The following PLEKHG7 variants were observed in gnomAD, a reference collection of about 807,000 sequenced individuals.
The protein encoded by PLEKHG7 is pleckstrin homology and RhoGEF domain containing G7.
Under a neutral mutation model 85.2 loss-of-function variants are expected in PLEKHG7, and 77 were observed. That is an observed-to-expected ratio of 0.90 (90% confidence interval 0.75 to 1.09). The LOEUF (loss-of-function observed/expected upper bound fraction) is 1.09, where lower values mean the gene tolerates loss of function less well. Ranked by LOEUF, PLEKHG7 falls within the 50% of genes least tolerant of loss-of-function variation. PLEKHG7 has a pLI of 0.00. For missense variants in PLEKHG7, 777 were observed against 804.3 expected (o/e 0.97, Z 0.41); for synonymous variants, 301 against 302.4 (o/e 1.00, Z 0.05).
intron 10 of PLEKHG7, among the ~76,000 whole-genome samples, chr12:92,752,509 C>A (rs60980357): frequency 0.082 from 12,504 of 152,028 alleles, 713 homozygotes; most frequent in African/African-American, 0.16. Flanking sequence ...GGGGGTTGAG[C>A]TAATTGTACC....
At chr12:92,769,338 T>TG (rs1273395677) in intron 16 of PLEKHG7, among the ~76,000 whole-genome samples, 6 of 152,198 alleles carry the variant, frequency 3.9e-5, no homozygotes, top group African/African-American at 1.4e-4. Flanking sequence ...TCCTCACGCT[T>TG]GCAGAGTTCT....
At chr12:92,748,184 G>A (rs1872588247) in intron 10 of PLEKHG7, among the ~76,000 whole-genome samples, 1 of 151,616 alleles carries the variant, frequency 6.6e-6, no homozygotes, top group Non-Finnish European at 1.5e-5. Flanking sequence ...GAATAAAAAT[G>A]TGTGTGACAT....
chr12:92,707,693 T>C (rs2136568472), intron 3 of PLEKHG7, 21 bp downstream of exon 3: 3 of 1,613,996 alleles, frequency 1.9e-6, no homozygotes, highest in East Asian at 4.5e-5. Context: ...ATTTATTTTC[T>C]CCGGTGCTAT....
rs1298154439 is a variant in PLEKHG7, at chr12:92,771,595, G to A, written c.*1400G>A. ...ACTTCAAGCTTCAAGTGAATTCCTAGAGATGGCATCTGGATGGGACTGAAA... is the reference window on the plus strand; with the variant it reads ...ACTTCAAGCTTCAAGTGAATTCCTAAAGATGGCATCTGGATGGGACTGAAA... On this transcript the variant is annotated 3_prime_UTR_variant, in exon 17 of 17. Transcript: ENST00000344636. 6.6e-6 allele frequency: 1 copy of A among 152,064 alleles called. No homozygotes were observed. Among genetic ancestry groups the A allele is most frequent in the South Asian group, 2.1e-4 (1 of 4,828 alleles). The allele number at this position is 152,064 out of a possible 1,614,324, so 9.4% of individuals were successfully genotyped here. A position where few individuals can be genotyped will look rare whatever the true frequency, so the allele number is the denominator to read the frequency against.
At chr12:92,745,904 T>G (rs916493152) in intron 10 of PLEKHG7, among the ~76,000 whole-genome samples, 64 of 152,356 alleles carry the variant, frequency 4.2e-4, no homozygotes, top group African/African-American at 1.4e-3. Context: ...GAAAACTATA[T>G]AGTAAGAACC....
chr12:92,736,117 T>A lies in PLEKHG7; in HGVS notation c.700-365T>A, dbSNP rs141440056. 2.2e-3 allele frequency among the ~76,000 whole-genome samples: 329 copies of A among 152,284 alleles called. 1 individual carries two copies. Among genetic ancestry groups the A allele is most frequent in the African/African-American group, 7.3e-3 (305 of 41,566 alleles). ...TGAGGTACCTTCTGATGTTAATAAA[T>A]CTTAGGGTCCAGAGTTTGGAAAAGT... On this transcript the variant is annotated intron_variant, in intron 5 of 16. Transcript: ENST00000344636.
chr12:92,709,661 T>G (rs1871332027), intron 3 of PLEKHG7, among the ~76,000 whole-genome samples: 1 of 152,052 alleles, frequency 6.6e-6, no homozygotes, highest in African/African-American at 2.4e-5. Context: ...ATGAAGCCAT[T>G]TGCAAAAAAA....
intron 10 of PLEKHG7, among the ~76,000 whole-genome samples, chr12:92,752,562 A>G (rs947997974): frequency 2.0e-5 from 3 of 152,154 alleles, no homozygotes; most frequent in African/African-American, 7.2e-5. Context: ...GCTTGAAGAC[A>G]TCTCTGGGGA....
chr12:92,706,678 G>C lies in PLEKHG7; in HGVS notation c.47G>C (p.Cys16Ser). The change falls in exon 2 of 17, where the codon TGT becomes TCT. Residue 16 changes from cysteine to serine, a missense_variant. Around this residue, in one of 3 missense-constraint regions of PLEKHG7, gnomAD observed 252 missense variants for 241.9 expected, o/e 1.04. Coordinates refer to ENST00000344636, the MANE Select transcript of PLEKHG7 (RefSeq NM_001377329.1). ...TGTCCAGAGGTGCCACCCCAAGACT[G>C]TGGAGCCTCTCCTCGGCCCTCGCTG... ...SFCPEVPPQD[C>S]GASPRPSLRS... is the part of the protein sequence containing the mutation. 1 of 1,614,148 alleles carries C rather than the reference G, an allele frequency of 6.2e-7. No individual in the cohort carries two copies. The highest frequency in any genetic ancestry group is 8.5e-7 in the Non-Finnish European group (1 of 1,180,030).
At chr12:92,742,913 G>C (rs557623576) in intron 9 of PLEKHG7, among the ~76,000 whole-genome samples, 1 of 152,220 alleles carries the variant, frequency 6.6e-6, no homozygotes, top group East Asian at 1.9e-4. Flanking sequence ...ATCAAAACAT[G>C]TAAGTATACT....
chr12:92,741,905 T>G (rs1872368252), intron 9 of PLEKHG7, among the ~76,000 whole-genome samples: 1 of 152,244 alleles, frequency 6.6e-6, no homozygotes, highest in South Asian at 2.1e-4. Context: ...TAGTGTTTGC[T>G]AATTACGTAA....
intron 10 of PLEKHG7, among the ~76,000 whole-genome samples, chr12:92,752,724 A>G (rs549775266): frequency 2.9e-4 from 44 of 152,326 alleles, no homozygotes; most frequent in Non-Finnish European, 4.4e-4. Context: ...TATTTAGTGT[A>G]AAGGCAGGAT....
chr12:92,741,433 G>T lies in PLEKHG7; in HGVS notation c.1036-58G>T, dbSNP rs558858517. On this transcript the variant is annotated intron_variant, in intron 8 of 16. Transcript: ENST00000344636. ...GAATGATACTTGAAGTTCAACAAAT[G>T]TTTATTCCTTAACCCTGGGTGTGTG... 12 of 1,113,324 alleles carry T rather than the reference G, an allele frequency of 1.1e-5. No homozygotes were observed. The East Asian group carries it at 1.2e-4, about 11-fold the overall frequency. 69.0% of individuals were successfully genotyped at this position (1,113,324 alleles called of 1,614,324 possible).
At chr12:92,767,049 G>A (rs1873222488) in intron 15 of PLEKHG7, among the ~76,000 whole-genome samples, 1 of 152,018 alleles carries the variant, frequency 6.6e-6, no homozygotes, top group African/African-American at 2.4e-5. Context: ...TCCAAATCCT[G>A]GCTATATCAT....
In PLEKHG7 at chr12:92,715,845, G is replaced by T. The variant is rs769358088; in HGVS notation, c.530+8173G>T. ...ACCAACGCCCACTCATTTGTGCATT[G>T]CCTGTGGCTGTTTCAACATTGTAAT... On this transcript the variant is annotated intron_variant, in intron 3 of 16. Coordinates refer to ENST00000344636, the MANE Select transcript of PLEKHG7 (RefSeq NM_001377329.1). 2.0e-5 allele frequency among the ~76,000 whole-genome samples: 3 copies of T among 151,320 alleles called. 1 individual carries two copies.
intron 15 of PLEKHG7, 53 bp from the exon 16 acceptor site, chr12:92,768,930 T>C (rs1302723076): frequency 1.6e-6 from 2 of 1,281,788 alleles, no homozygotes; most frequent in Admixed American, 2.3e-5. Context: ...AGAAATTGTT[T>C]GGATTTCATA....
intron 14 of PLEKHG7, 43 bp downstream of exon 14, chr12:92,761,874 C>A: frequency 6.6e-7 from 1 of 1,506,668 alleles, no homozygotes; most frequent in East Asian, 2.6e-5. Flanking sequence ...AACAAGTTTG[C>A]TAAATGAGTT....
At chr12:92,740,164 C>T (rs1872306603) in intron 7 of PLEKHG7, among the ~76,000 whole-genome samples, 1 of 152,166 alleles carries the variant, frequency 6.6e-6, no homozygotes, top group Admixed American at 6.5e-5. Context: ...CCTTTTGTCC[C>T]TTTGAATGCT....
intron 7 of PLEKHG7, 125 bp downstream of exon 7, chr12:92,737,646 CAA>C (rs2136600695): frequency 2.6e-6 from 2 of 783,344 alleles, no homozygotes; most frequent in Admixed American, 7.0e-5. Context: ...GAAAGAGAGA[CAA>C]AGAGAAAGAA....
Sources: allele counts gnomAD v4.1 joint callset (sites outside exome capture counted in the v4.1 genomes callset), GRCh38; gene constraint gnomAD v4.1.1; regional missense constraint gnomAD v4.1.1; transcripts MANE v1.5; gene names NCBI Gene and HGNC (gene_info 2026-07-23, HGNC 2026-07-21).